SRR: variants seen among roughly 807,000 people sequenced by gnomAD.
SRR encodes the protein serine racemase.
Under a neutral mutation model 32.7 loss-of-function variants are expected in SRR, and 19 were observed. The observed-to-expected ratio is 0.58, with a 90% confidence interval of 0.40 to 0.85. SRR has a LOEUF of 0.85. Among genes scored for constraint, SRR ranks in the 40% least tolerant of loss-of-function variants. The probability of loss-of-function intolerance (pLI) is 0.00; values close to 1 mark genes in which losing one functional copy is unlikely to be tolerated. For synonymous variants in SRR, 142 were observed against 140.9 expected, an observed-to-expected ratio of 1.01 and a Z score of -0.06; for missense variants, 373 against 404.7, an observed-to-expected ratio of 0.92 and a Z score of 0.67.
At chr17:2,307,468 T>A in intron 1 of SRR, 1 of 1,431,888 alleles carries the variant, frequency 7.0e-7, no homozygotes, top group South Asian at 1.1e-5. Flanking sequence ...TGGTGGTGGA[T>A]ATCGTGCAGT....
chr17:2,312,868 C>A (rs2075443263), intron 1 of SRR, among the ~76,000 whole-genome samples: 1 of 152,192 alleles, frequency 6.6e-6, no homozygotes, highest in African/African-American at 2.4e-5. Flanking sequence ...ATCATTCTTA[C>A]AGCCAACAAC....
In SRR at chr17:2,323,345, G is replaced by C. The variant is rs1195767653; in HGVS notation, c.804G>C (p.Lys268Asn). 6.2e-7 allele frequency: 1 copy of C among 1,613,912 alleles called. No individual in the cohort carries two copies. Among genetic ancestry groups the C allele is most frequent in the Non-Finnish European group, 8.5e-7 (1 of 1,179,862 alleles). The change falls in exon 7 of 8, where the codon AAG (lysine) becomes AAC (asparagine). Residue 268 changes from lysine to asparagine, a missense_variant and splice_region_variant. Lys to Asn is a moderately conservative substitution (Grantham distance 94, BLOSUM62 0). Transcript: ENST00000344595. ...TCACTGTCACAGAGGATGAAATTAA[G>C]GTGAGGCTCCAGCAAGAAAAGAAAT... ...DIFTVTEDEI[K>N]CATQLVWERM...
chr17:2,323,647 A>G lies in SRR; in HGVS notation c.805-8A>G, dbSNP rs1377170903. ...TTCACTAATTCCTACTCCCTTCCAT[A>G]TCAACAGTGTGCAACCCAGCTGGTG... On this transcript the variant is annotated splice_region_variant and splice_polypyrimidine_tract_variant and intron_variant, in intron 7 of 7. Transcript: ENST00000344595. 3 of 1,613,894 alleles carry G rather than the reference A, an allele frequency of 1.9e-6. No homozygotes were observed. The highest frequency in any genetic ancestry group is 2.5e-6 in the Non-Finnish European group (3 of 1,179,828).
intron 1 of SRR, chr17:2,315,255 A>G: frequency 5.3e-6 from 1 of 187,508 alleles, no homozygotes; most frequent in South Asian, 1.8e-4. Flanking sequence ...AAAAAAAAAA[A>G]AAAAGGAAGA....
intron 1 of SRR, chr17:2,307,471 C>T (rs1010514325): frequency 8.4e-6 from 12 of 1,432,940 alleles, no homozygotes; most frequent in East Asian, 2.3e-5. Flanking sequence ...TGGTGGATAT[C>T]GTGCAGTGGG....
intron 4 of SRR, among the ~76,000 whole-genome samples, chr17:2,319,329 A>T (rs925066369): frequency 1.3e-5 from 2 of 152,142 alleles, no homozygotes; most frequent in Non-Finnish European, 2.9e-5. Flanking sequence ...AAAAAGTTGG[A>T]GTCATCTTTT....
At chr17:2,321,980 A>T (rs1029401164) in intron 6 of SRR, among the ~76,000 whole-genome samples, 15 of 152,094 alleles carry the variant, frequency 9.9e-5, no homozygotes, top group African/African-American at 2.9e-4. Context: ...ACAGGGTTTC[A>T]CCATGTTGGT....
At chr17:2,314,313 G>C (rs1014797796) in intron 1 of SRR, among the ~76,000 whole-genome samples, 4 of 152,168 alleles carry the variant, frequency 2.6e-5, no homozygotes, top group Non-Finnish European at 5.9e-5. Flanking sequence ...GCCGGGTTTG[G>C]TGGCTCACGC....
rs771395142 is a variant in SRR, at chr17:2,324,565, C to A, written c.*692C>A. On this transcript the variant is annotated 3_prime_UTR_variant, in exon 8 of 8. Coordinates refer to ENST00000344595, the MANE Select transcript of SRR (RefSeq NM_021947.3). ...TCGTTCTCAGTTCCACTGGTTTAAACCACAGCACATCCTCTTAGAATCAAA... is the reference window on the plus strand; with the variant it reads ...TCGTTCTCAGTTCCACTGGTTTAAAACACAGCACATCCTCTTAGAATCAAA... 16 of 1,614,168 alleles carry A rather than the reference C, an allele frequency of 9.9e-6. No homozygotes were observed. Among genetic ancestry groups the A allele is most frequent in the Non-Finnish European group, 1.2e-5 (14 of 1,180,026 alleles).
chr17:2,321,640 C>T, intron 6 of SRR, 24 bp downstream of exon 6: 3 of 1,607,740 alleles, frequency 1.9e-6, no homozygotes, highest in Non-Finnish European at 2.6e-6. Context: ...GGAGGATTCC[C>T]TGCTTCAAGC....
At chr17:2,318,771 C>T (rs1244346476) in intron 3 of SRR, 55 bp from the exon 4 acceptor site, 3 of 1,391,834 alleles carry the variant, frequency 2.2e-6, no homozygotes, top group Non-Finnish European at 3.1e-6. Flanking sequence ...TGCCTGGCCA[C>T]ATAAGTTTCT....
rs934376720 is a variant in SRR, at chr17:2,317,242, T to C, written c.169-628T>C. Among the ~76,000 whole-genome samples, 14 of 129,552 alleles carry C rather than the reference T, an allele frequency of 1.1e-4. No individual in the cohort carries two copies. In the South Asian group the frequency reaches 3.6e-3, roughly 33 times the overall value. 85.0% of individuals were successfully genotyped at this position (129,552 alleles called of 152,430 possible). ...AAAAAAAAAAAAAGGCCGGGTGCGGTGGCTCACGCCTGTAATCCCAGCACT... is the reference window on the plus strand; with the variant it reads ...AAAAAAAAAAAAAGGCCGGGTGCGGCGGCTCACGCCTGTAATCCCAGCACT... On this transcript the variant is annotated intron_variant, in intron 2 of 7. Transcript: ENST00000344595.
At chr17:2,303,804 C>A, upstream of SRR, 1 of 1,131,604 alleles carries the variant, frequency 8.8e-7, no homozygotes, top group South Asian at 1.5e-5. Context: ...GGCGCGCGCG[C>A]TCGCCCACCT....
In SRR at chr17:2,324,434, T is replaced by A. The variant is rs1019158596; in HGVS notation, c.*561T>A. ...AAGTAGAAAATTTTAAAGCAATGAC[T>A]TCCAACCCAACAGTCATTTAGCAAC... On this transcript the variant is annotated 3_prime_UTR_variant, in exon 8 of 8. Coordinates refer to ENST00000344595, the MANE Select transcript of SRR (RefSeq NM_021947.3). The A allele has an allele frequency of 6.2e-6, 10 of 1,610,654 alleles. No individual in the cohort carries two copies. Among genetic ancestry groups the A allele is most frequent in the African/African-American group, 1.3e-5 (1 of 74,712 alleles).
rs1250055382 is a variant in SRR, at chr17:2,324,743, G to A, written c.*870G>A. ...GCCATCTTAGTAAAAATTTTGAAAG[G>A]ATGACCACTCAGAACAACTCTCTTG... On this transcript the variant is annotated 3_prime_UTR_variant, in exon 8 of 8. Coordinates refer to ENST00000344595, the MANE Select transcript of SRR (RefSeq NM_021947.3). 6.2e-7 allele frequency: 1 copy of A among 1,614,062 alleles called. No individual in the cohort carries two copies. The highest frequency in any genetic ancestry group is 1.7e-5 in the Admixed American group (1 of 60,002).
intron 1 of SRR, among the ~76,000 whole-genome samples, chr17:2,314,606 A>T (rs1397848861): frequency 7.0e-6 from 1 of 142,460 alleles, no homozygotes; most frequent in Admixed American, 7.1e-5. Flanking sequence ...AAAAAAAATT[A>T]GCTGGGCATG....
At chr17:2,311,364 G>T (rs754528309) in intron 1 of SRR, among the ~76,000 whole-genome samples, 21 of 152,054 alleles carry the variant, frequency 1.4e-4, no homozygotes, top group Middle Eastern at 3.2e-3. Flanking sequence ...GGCCCGTCAT[G>T]GTGGCTCACG....
intron 1 of SRR, among the ~76,000 whole-genome samples, chr17:2,312,121 C>T (rs1049118017): frequency 2.0e-5 from 3 of 149,764 alleles, no homozygotes; most frequent in Non-Finnish European, 4.4e-5. Context: ...GAGGCTGAGG[C>T]GGGAAGATCA....
Position 2,324,137 on chromosome 17 carries a change from G to C in SRR, c.*264G>C, listed in dbSNP as rs1026956564. On this transcript the variant is annotated 3_prime_UTR_variant, in exon 8 of 8. Transcript: ENST00000344595. ...AATAAACTTTGCCCAATCACAACTT[G>C]TGCCTCCCATCCCTGGAGTACTGAC... is the stretch of plus-strand genomic sequence containing the variant. 1.3e-5 allele frequency: 19 copies of C among 1,505,894 alleles called. No homozygotes were observed. The East Asian group carries it at 1.4e-4, about 11-fold the overall frequency. 93.3% of individuals were successfully genotyped at this position (1,505,894 alleles called of 1,614,324 possible). A position where few individuals can be genotyped will look rare whatever the true frequency, so the allele number is the denominator to read the frequency against.
Sources: gnomAD v4.1 joint callset for allele counts (sites outside exome capture counted in the v4.1 genomes callset) on GRCh38, gnomAD v4.1.1 for gene constraint, MANE v1.5 for transcripts, NCBI Gene and HGNC (gene_info 2026-07-23, HGNC 2026-07-21) for gene names.